The following ACAA2 variants were observed in gnomAD, a reference collection of about 807,000 sequenced individuals.
ACAA2 encodes 3-ketoacyl-CoA thiolase, mitochondrial.
Under a neutral mutation model 44.8 loss-of-function variants are expected in ACAA2, and 35 were observed. That is an observed-to-expected ratio of 0.78 (90% CI 0.60 to 1.04). The LOEUF is 1.04. Among genes scored for constraint, ACAA2 ranks in the 50% least tolerant of loss-of-function variants. The pLI, the probability that ACAA2 is intolerant of heterozygous loss-of-function variation, is 0.00. For missense variants in ACAA2, 468 were observed against 482.6 expected (o/e 0.97, Z 0.28); for synonymous variants, 142 against 166.5 (o/e 0.85, Z 1.13).
intron 2 of ACAA2, among the ~76,000 whole-genome samples, chr18:49,799,497 G>A (rs113499730): frequency 0.018 from 2,688 of 152,316 alleles, 79 homozygotes; most frequent in African/African-American, 0.061. Context: ...GATTGCGGAC[G>A]GAGTCTTGTT....
At chr18:49,786,364 T>C (rs747479418) in intron 8 of ACAA2, 1 of 151,800 alleles carries the variant, frequency 6.6e-6, no homozygotes. Context: ...AAAGTTGATA[T>C]AGTTTAATAG....
At chr18:49,800,196 G>A (rs1293399877) in intron 2 of ACAA2, among the ~76,000 whole-genome samples, 8 of 135,342 alleles carry the variant, frequency 5.9e-5, no homozygotes, top group South Asian at 2.4e-4. Flanking sequence ...CCCCCCGCCC[G>A]GCCAGCCGCC....
chr18:49,785,867 T>G (rs1418424878), intron 8 of ACAA2: 1 of 155,642 alleles, frequency 6.4e-6, no homozygotes, highest in African/African-American at 2.4e-5. Flanking sequence ...TTATTATTAT[T>G]ATGCAGTACT....
At chr18:49,813,445 A>AGAG (rs1289077873) in intron 1 of ACAA2, 24 bp downstream of exon 1, 1 of 1,239,832 alleles carries the variant, frequency 8.1e-7, no homozygotes, top group Non-Finnish European at 1.0e-6. Context: ...AGGGGCGAGG[A>AGAG]GAGGAGGAGG....
intron 1 of ACAA2, among the ~76,000 whole-genome samples, chr18:49,808,380 T>C (rs910376671): frequency 6.6e-6 from 1 of 152,244 alleles, no homozygotes; most frequent in African/African-American, 2.4e-5. Flanking sequence ...TGAAAACTTA[T>C]GTTCAAACAA....
rs192721097 is a variant in ACAA2 at position 49,788,318 on chromosome 18, C to T, written c.884-957G>A. 3.3e-5 allele frequency among the ~76,000 whole-genome samples: 5 copies of T among 152,294 alleles called. No individual in the cohort carries two copies. The East Asian group carries it at 5.8e-4, about 18-fold the overall frequency. On this transcript the variant is annotated intron_variant, in intron 7 of 9. Coordinates refer to ENST00000285093, the MANE Select transcript of ACAA2 (RefSeq NM_006111.3). The stretch of plus-strand genomic sequence containing the variant: ...TGAATTCAAGTAGTCAAATATTCTG[C>T]ATCAAGTTTCACAAGCATTTTACCT...
intron 2 of ACAA2, among the ~76,000 whole-genome samples, chr18:49,801,205 A>G (rs535722404): frequency 3.3e-5 from 5 of 152,312 alleles, no homozygotes; most frequent in African/African-American, 1.2e-4. Flanking sequence ...TCTCTTAACC[A>G]TAAAGGCCTA....
chr18:49,792,950 AT>A (rs1412728638), intron 5 of ACAA2, among the ~76,000 whole-genome samples: 1 of 152,150 alleles, frequency 6.6e-6, no homozygotes, highest in African/African-American at 2.4e-5. Context: ...TAAAAATTAT[AT>A]TTTTAAAAAT....
chr18:49,785,427 A>G, intron 8 of ACAA2, 76 bp from the exon 9 acceptor site: 1 of 1,415,294 alleles, frequency 7.1e-7, no homozygotes, highest in South Asian at 1.3e-5. Context: ...GTCCAGTCCT[A>G]TCAACAGCTA....
chr18:49,785,318 C>T lies in ACAA2; in HGVS notation c.988G>A (p.Val330Ile), dbSNP rs1366257666. ...NEAFAPQYLA[V>I]ERSLDLDISK... Reference sequence around the variant, plus strand: ...ATGTCAAGATCCAAACTCCTCTCAACAGCCAAGTACTGGGGAGCAAAAGCT... The same window carrying T: ...ATGTCAAGATCCAAACTCCTCTCAATAGCCAAGTACTGGGGAGCAAAAGCT... The change falls in exon 9 of 10, where the codon GTT (valine) becomes ATT (isoleucine). Residue 330 changes from valine to isoleucine, a missense_variant. Coordinates refer to ENST00000285093, the MANE Select transcript of ACAA2 (RefSeq NM_006111.3). 1.9e-6 allele frequency: 3 copies of T among 1,613,934 alleles called. No individual in the cohort carries two copies. Among genetic ancestry groups the T allele is most frequent in the Admixed American group, 3.3e-5 (2 of 59,966 alleles).
At chr18:49,806,144 T>C (rs2023608156) in intron 1 of ACAA2, among the ~76,000 whole-genome samples, 1 of 152,160 alleles carries the variant, frequency 6.6e-6, no homozygotes, top group South Asian at 2.1e-4. Context: ...GTCCAATTTA[T>C]TTATAGCAAC....
At chr18:49,807,493 A>G (rs1166493335) in intron 1 of ACAA2, among the ~76,000 whole-genome samples, 1 of 152,202 alleles carries the variant, frequency 6.6e-6, no homozygotes, top group Non-Finnish European at 1.5e-5. Flanking sequence ...CTAACACCAA[A>G]AGCAGGATCC....
In ACAA2 at chr18:49,794,325, C is replaced by G. The variant is rs781056730; in HGVS notation, c.532G>C (p.Glu178Gln). 2.8e-5 allele frequency: 45 copies of G among 1,610,254 alleles called. No homozygotes were observed. Among genetic ancestry groups the G allele is most frequent in the Non-Finnish European group, 3.6e-5 (42 of 1,179,452 alleles). Reference protein sequence around the residue: ...LAVKHKISREECDKYALQSQQ... With the variant: ...LAVKHKISREQCDKYALQSQQ... ...GACTGCAGGGCATATTTGTCACATT[C>G]TTCTCTGCTTATTTTGTGTTTTACA... Residue 178 changes from glutamate to glutamine, a missense_variant, in exon 5 of 10, where the codon GAA (glutamate) becomes CAA (glutamine). By Grantham distance (29) the Glu-to-Gln change is conservative. Transcript: ENST00000285093.
intron 7 of ACAA2, among the ~76,000 whole-genome samples, chr18:49,790,196 A>G (rs1404551014): frequency 6.6e-6 from 1 of 152,258 alleles, no homozygotes; most frequent in Non-Finnish European, 1.5e-5. Flanking sequence ...AATAAGCTTA[A>G]GATTGACTTT....
intron 1 of ACAA2, 147 bp downstream of exon 1, chr18:49,813,322 G>GT (rs1429818948): frequency 1.6e-6 from 1 of 610,514 alleles, no homozygotes; most frequent in Non-Finnish European, 2.4e-6. Context: ...TTCGGGCTGG[G>GT]TTTTTATCAC....
intron 7 of ACAA2, among the ~76,000 whole-genome samples, chr18:49,787,656 AAAT>A (rs941921243): frequency 2.0e-5 from 3 of 152,102 alleles, no homozygotes; most frequent in African/African-American, 7.2e-5. Flanking sequence ...AAAAGAAAAA[AAAT>A]AATAATAAAA....
At chr18:49,784,472 A>G (rs1195772954) in intron 9 of ACAA2, among the ~76,000 whole-genome samples, 1 of 152,054 alleles carries the variant, frequency 6.6e-6, no homozygotes. Context: ...AGTACTCCTC[A>G]CTCCTAATAT....
intron 1 of ACAA2, among the ~76,000 whole-genome samples, 185 bp downstream of exon 1, chr18:49,813,284 G>A (rs2023692755): frequency 6.6e-6 from 1 of 152,226 alleles, no homozygotes. Flanking sequence ...TTACAAGTAA[G>A]GGTTTTCTCC....
At chr18:49,787,473 T>A in intron 7 of ACAA2, 112 bp from the exon 8 acceptor site, 1 of 766,440 alleles carries the variant, frequency 1.3e-6, no homozygotes, top group South Asian at 3.4e-5. Flanking sequence ...CGGCAGTTAT[T>A]AGTAGCCACA....
Sources: allele counts gnomAD v4.1 joint callset (sites outside exome capture counted in the v4.1 genomes callset), GRCh38; gene constraint gnomAD v4.1.1; transcripts MANE v1.5; gene names NCBI Gene and HGNC (gene_info 2026-07-23, HGNC 2026-07-21).